The following PRKCH variants were observed in gnomAD, a reference collection of about 807,000 sequenced individuals.
PRKCH encodes protein kinase C eta.
Under a neutral mutation model 82.5 loss-of-function variants are expected in PRKCH, and 28 were observed. The ratio of observed to expected loss-of-function variants is 0.34; its 90% CI spans 0.25 to 0.47. PRKCH has a LOEUF of 0.47. Among genes scored for constraint, PRKCH ranks in the 20% least tolerant of loss-of-function variants. PRKCH has a pLI of 1.00. For missense variants in PRKCH, 705 were observed against 881.8 expected (o/e 0.80, Z 2.54); for synonymous variants, 322 against 327.4 (o/e 0.98, Z 0.18).
intron 1 of PRKCH, among the ~76,000 whole-genome samples, chr14:61,323,681 A>T (rs2045660203): frequency 1.3e-5 from 2 of 152,346 alleles, no homozygotes; most frequent in South Asian, 4.1e-4. Context: ...GAAGTACAAA[A>T]ACCATAATGA....
chr14:61,326,586 A>G (rs971651600), intron 1 of PRKCH, among the ~76,000 whole-genome samples: 2 of 152,246 alleles, frequency 1.3e-5, no homozygotes, highest in Non-Finnish European at 2.9e-5. Context: ...CTATATGACA[A>G]TTATACCTGA....
At chr14:61,298,134 T>G (rs2140102399) in intron 1 of PRKCH, 1 of 152,690 alleles carries the variant, frequency 6.5e-6, no homozygotes, top group East Asian at 1.9e-4. Flanking sequence ...GTACAACCCC[T>G]TCACTCCAGA....
At chr14:61,231,380 T>TTTTG (rs2044741943) in intron 1 of PRKCH, among the ~76,000 whole-genome samples, 1 of 150,980 alleles carries the variant, frequency 6.6e-6, no homozygotes, top group Admixed American at 6.6e-5. Context: ...TTTTTTTTTT[T>TTTTG]GAGACAGAGT....
At chr14:61,478,846 G>A (rs1350303739) in intron 9 of PRKCH, among the ~76,000 whole-genome samples, 3 of 152,162 alleles carry the variant, frequency 2.0e-5, no homozygotes, top group African/African-American at 7.2e-5. Flanking sequence ...GGGTGACAGA[G>A]CAAGACCCTG....
chr14:61,457,221 A>G lies in PRKCH; in HGVS notation c.1006A>G (p.Ser336Gly). 1.2e-6 allele frequency: 2 copies of G among 1,614,222 alleles called. No individual in the cohort carries two copies. Among genetic ancestry groups the G allele is most frequent in the Non-Finnish European group, 1.7e-6 (2 of 1,180,032 alleles). The stretch of plus-strand genomic sequence containing the variant: ...CCTAAGACGACAGGGAAAGGAGAGC[A>G]GCAAAGAAGGAAATGGGATTGGGGT... ...STLRRQGKES[S>G]KEGNGIGVNS... Residue 336 changes from serine (S) to glycine (G), a missense_variant, in exon 8 of 14, where the codon AGC (serine) becomes GGC (glycine). By Grantham distance (56) the Ser-to-Gly change is moderately conservative. Transcript: ENST00000332981.
intron 2 of PRKCH, among the ~76,000 whole-genome samples, chr14:61,399,938 C>T (rs535240326): frequency 5.3e-5 from 8 of 152,228 alleles, no homozygotes; most frequent in Admixed American, 4.6e-4. Flanking sequence ...TGAATTGTTC[C>T]TTATTTGAGA....
intron 2 of PRKCH, among the ~76,000 whole-genome samples, chr14:61,399,146 T>C (rs928108374): frequency 6.6e-5 from 10 of 152,204 alleles, no homozygotes; most frequent in African/African-American, 2.4e-4. Context: ...TGGGATAGAA[T>C]TGAAACCCGA....
At chr14:61,470,869 T>G (rs1184587455) in intron 9 of PRKCH, among the ~76,000 whole-genome samples, 1 of 152,148 alleles carries the variant, frequency 6.6e-6, no homozygotes, top group Non-Finnish European at 1.5e-5. Flanking sequence ...ATACACGTTT[T>G]TCCGTCGCTG....
intron 2 of PRKCH, among the ~76,000 whole-genome samples, chr14:61,440,997 A>G (rs984978586): frequency 2.7e-5 from 4 of 150,322 alleles, no homozygotes; most frequent in African/African-American, 9.8e-5. Context: ...GGCTCATTAT[A>G]GCCTCAACCT....
At chr14:61,548,556 G>C (rs1357413893) in intron 13 of PRKCH, among the ~76,000 whole-genome samples, 1 of 152,196 alleles carries the variant, frequency 6.6e-6, no homozygotes, top group African/African-American at 2.4e-5. Context: ...CAAGGCTAGC[G>C]ATAGATCAAG....
At chr14:61,433,223 G>A (rs965501509) in intron 2 of PRKCH, among the ~76,000 whole-genome samples, 1 of 152,098 alleles carries the variant, frequency 6.6e-6, no homozygotes, top group Non-Finnish European at 1.5e-5. Context: ...AGGCAGCAGA[G>A]CTTTCTCTCC....
chr14:61,401,868 A>G (rs1881640449), intron 2 of PRKCH, among the ~76,000 whole-genome samples: 1 of 152,212 alleles, frequency 6.6e-6, no homozygotes, highest in African/African-American at 2.4e-5. Context: ...TGCATGGAAC[A>G]CCATTTTTAC....
chr14:61,490,511 C>T (rs540347441), intron 10 of PRKCH, among the ~76,000 whole-genome samples: 10 of 152,310 alleles, frequency 6.6e-5, no homozygotes, highest in Non-Finnish European at 1.0e-4. Flanking sequence ...ACAGGTGCCT[C>T]GCTGACTCCA....
In PRKCH at chr14:61,219,775, C is replaced by T. The variant is rs116671093; in HGVS notation, c.-19+32107C>T. Among the ~76,000 whole-genome samples the T allele has an allele frequency of 1.5e-3, 227 of 152,242 alleles. 1 individual carries two copies. Among genetic ancestry groups the T allele is most frequent in the African/African-American group, 5.3e-3 (220 of 41,534 alleles). ...TGTGTCAAGTTTTTCAGCTTTATAA[C>T]GAAGCTTCTTTATAAATCTTATTTC... is the stretch of plus-strand genomic sequence containing the variant. On this transcript the variant is annotated intron_variant, in intron 1 of 3. Coordinates refer to the PRKCH transcript ENST00000555185.
At chr14:61,299,462 G>A (rs544785454) in intron 1 of PRKCH, among the ~76,000 whole-genome samples, 7 of 110,272 alleles carry the variant, frequency 6.3e-5, no homozygotes, top group Admixed American at 3.9e-4. Context: ...GGGAAGCTGC[G>A]GATCACAACT....
intron 10 of PRKCH, among the ~76,000 whole-genome samples, chr14:61,514,094 G>A (rs1291762984): frequency 1.3e-4 from 19 of 151,854 alleles, no homozygotes; most frequent in Non-Finnish European, 4.4e-5. Flanking sequence ...CTTCACCCAC[G>A]CCTACTGCCT....
intron 1 of PRKCH, among the ~76,000 whole-genome samples, chr14:61,201,743 G>A (rs2044483719): frequency 6.6e-6 from 1 of 152,048 alleles, no homozygotes; most frequent in South Asian, 2.1e-4. Context: ...AAGTTGGAAG[G>A]GTGGTTAATA....
chr14:61,344,166 G>A (rs1189733906), intron 1 of PRKCH: 1 of 152,186 alleles, frequency 6.6e-6, no homozygotes, highest in Non-Finnish European at 1.5e-5. Flanking sequence ...AGTTCCCTTA[G>A]CTCTGAGAAT....
chr14:61,468,629 C>T (rs950240541), intron 9 of PRKCH, among the ~76,000 whole-genome samples: 2 of 152,104 alleles, frequency 1.3e-5, no homozygotes, highest in African/African-American at 4.8e-5. Flanking sequence ...TCTTTGGACG[C>T]GACTGCCAAG....
Sources: allele counts gnomAD v4.1 joint callset (sites outside exome capture counted in the v4.1 genomes callset), GRCh38; gene constraint gnomAD v4.1.1; transcripts MANE v1.5; gene names NCBI Gene and HGNC (gene_info 2026-07-23, HGNC 2026-07-21).